The following CENPF variants were observed in gnomAD, a reference collection of about 807,000 sequenced individuals.
CENPF encodes the protein AH antigen.
In CENPF, 214 loss-of-function variants were observed where a neutral mutation model predicts 307.3. The ratio of observed to expected loss-of-function variants is 0.70; its 90% confidence interval spans 0.62 to 0.78. The LOEUF is 0.78. CENPF is among the 30% of genes least tolerant of loss of function. The pLI is 0.00. For synonymous variants in CENPF, 1,259 were observed against 1,270.6 expected (o/e 0.99, Z 0.19); for missense variants, 3,401 against 3,483.9 (o/e 0.98, Z 0.60).
chr1:214,641,078 C>T lies in CENPF; in HGVS notation c.2740C>T (p.Gln914Ter), dbSNP rs768171628. The change falls in exon 12 of 20, where the codon CAA becomes TAA. Residue 914 changes from glutamine (Q) to a stop codon, truncating the protein, a stop_gained. Transcript: ENST00000366955. LOFTEE classifies it high-confidence loss of function. ...SALENKEKEL[Q>*]LLNDKVETEQ... ...CCTTGAGAACAAGGAAAAAGAGCTGCAACTTTTAAATGATAAGGTAGAAAC... is the reference window on the plus strand; with the variant it reads ...CCTTGAGAACAAGGAAAAAGAGCTGTAACTTTTAAATGATAAGGTAGAAAC... 5 of 1,566,572 alleles carry T rather than the reference C, an allele frequency of 3.2e-6. No individual in the cohort carries two copies. The highest frequency in any genetic ancestry group is 1.2e-5 in the South Asian group (1 of 82,116).
At chr1:214,605,717 A>C in intron 1 of CENPF, 1 of 1,593,226 alleles carries the variant, frequency 6.3e-7, no homozygotes, top group Non-Finnish European at 8.5e-7. Context: ...GAAGCGACGC[A>C]GGCCCTCCAG....
At chr1:214,637,683 C>T (rs1030049051) in intron 10 of CENPF, among the ~76,000 whole-genome samples, 183 bp from the exon 11 acceptor site, 2 of 152,102 alleles carry the variant, frequency 1.3e-5, no homozygotes, top group African/African-American at 4.8e-5. Flanking sequence ...ATGCTGTTGT[C>T]TTCTGTTCAT....
Position 214,605,669 on chromosome 1 carries a change from C to T in CENPF, c.-42+2348C>T, listed in dbSNP as rs1199291614. ...ATTGCTGAGGTCTGGCCGGTTGGTGCCGCCGCTAGGCGAGCTGGCTGGCAG... is the reference window on the plus strand; with the variant it reads ...ATTGCTGAGGTCTGGCCGGTTGGTGTCGCCGCTAGGCGAGCTGGCTGGCAG... On this transcript the variant is annotated intron_variant, in intron 1 of 19. Transcript: ENST00000366955. 1.9e-6 allele frequency: 3 copies of T among 1,576,192 alleles called. No individual in the cohort carries two copies. The African/African-American group carries it at 4.0e-5, about 21-fold the overall frequency.
rs1453613825 is a variant in CENPF at position 214,620,963 on chromosome 1, T to G, written c.865+17T>G. The G allele has an allele frequency of 6.3e-7, 1 of 1,578,916 alleles. No homozygotes were observed. The highest frequency in any genetic ancestry group is 1.2e-5 in the South Asian group (1 of 84,592). ...AGAATCAAGGTAACATTGAGCTAAG[T>G]TAAGTTTAAATTCACTTTGCTTGAG... On this transcript the variant is annotated intron_variant, in intron 6 of 19. Transcript: ENST00000366955.
In CENPF at chr1:214,629,162, G is replaced by A. The variant is rs1341270097; in HGVS notation, c.1185G>A (p.Glu395=). 1.2e-6 allele frequency: 2 copies of A among 1,606,994 alleles called. No individual in the cohort carries two copies. Among genetic ancestry groups the A allele is most frequent in the South Asian group, 1.1e-5 (1 of 89,116 alleles). ...AGAAAATTAAGGAAAAAGAAAAGGAGTTTCAAGAGGTAAGGTAAATGGATT... is the reference window on the plus strand; with the variant it reads ...AGAAAATTAAGGAAAAAGAAAAGGAATTTCAAGAGGTAAGGTAAATGGATT... ...LEQKIKEKEK[E]FQEELSRQQR... Residue 395 remains glutamate, a synonymous_variant, in exon 8 of 20, where the codon GAG becomes GAA. Coordinates refer to ENST00000366955, the MANE Select transcript of CENPF (RefSeq NM_016343.4).
At chr1:214,607,001 C>A (rs1657052276) in intron 1 of CENPF, among the ~76,000 whole-genome samples, 3 of 152,198 alleles carry the variant, frequency 2.0e-5, no homozygotes. Context: ...GCAGGGCTGT[C>A]CCCCTCCCTG....
At chr1:214,632,234 T>A (rs893588168) in intron 9 of CENPF, among the ~76,000 whole-genome samples, 3 of 152,172 alleles carry the variant, frequency 2.0e-5, no homozygotes, top group African/African-American at 7.2e-5. Context: ...TGGTTAAATC[T>A]TTTTCCTGTG....
In CENPF at chr1:214,620,804, C is replaced by T. The variant is rs1657484567; in HGVS notation, c.723C>T (p.Phe241=). ...AAAGAACTCCAATTAGGAGAGATTTCTCTGCATCTTACTTTTCTGGGGAAC... is the reference window on the plus strand; with the variant it reads ...AAAGAACTCCAATTAGGAGAGATTTTTCTGCATCTTACTTTTCTGGGGAAC... ...NSQRTPIRRD[F]SASYFSGEQE... Residue 241 remains phenylalanine, a synonymous_variant, in exon 6 of 20, where the codon TTC becomes TTT. Transcript: ENST00000366955. 6.2e-7 allele frequency: 1 copy of T among 1,614,060 alleles called. No individual in the cohort carries two copies. The highest frequency in any genetic ancestry group is 1.7e-5 in the Admixed American group (1 of 60,002).
At position 214,640,962 on chromosome 1, in the gene CENPF, A is replaced by G. The variant is rs1658095059; in HGVS notation, c.2624A>G (p.Gln875Arg). The change falls in exon 12 of 20, where the codon CAA (glutamine) becomes CGA (arginine). Residue 875 changes from glutamine (Q) to arginine (R), a missense_variant. Coordinates refer to ENST00000366955, the MANE Select transcript of CENPF (RefSeq NM_016343.4). ...CTCATGAAAGCAGAACAGATGCATC[A>G]AAGTTTTGTGGCTGAAACAAGTCAG... is the stretch of plus-strand genomic sequence containing the variant. The part of the protein sequence containing the change: ...ENLMKAEQMH[Q>R]SFVAETSQRI... 15 of 1,603,190 alleles carry G rather than the reference A, an allele frequency of 9.4e-6. No homozygotes were observed. The highest frequency in any genetic ancestry group is 1.3e-5 in the African/African-American group (1 of 74,222).
chr1:214,643,759 A>G (rs1658202935), intron 12 of CENPF, among the ~76,000 whole-genome samples: 1 of 152,226 alleles, frequency 6.6e-6, no homozygotes, highest in South Asian at 2.1e-4. Context: ...ATGAAACTAA[A>G]TACAGCAGAT....
intron 11 of CENPF, among the ~76,000 whole-genome samples, chr1:214,639,701 G>T (rs1268029657): frequency 6.6e-6 from 1 of 152,100 alleles, no homozygotes; most frequent in Non-Finnish European, 1.5e-5. Flanking sequence ...GAACAAATGT[G>T]TTACTCTCCT....
At position 214,663,739 on chromosome 1, in the gene CENPF, C is replaced by T; in HGVS notation, c.9290C>T (p.Pro3097Leu). 6.2e-7 allele frequency: 1 copy of T among 1,614,048 alleles called. No individual in the cohort carries two copies. Among genetic ancestry groups the T allele is most frequent in the Non-Finnish European group, 8.5e-7 (1 of 1,180,032 alleles). Residue 3097 changes from proline (P) to leucine (L), a missense_variant, in exon 20 of 20, where the codon CCC becomes CTC. Pro to Leu is a moderately conservative substitution (Grantham distance 98). Transcript: ENST00000366955. ...GLRVKRGRLV[P>L]SPKAGLESNG... is the part of the protein sequence containing the mutation. Reference sequence around the variant, plus strand: ...AGGGTCAAGCGAGGCCGACTTGTCCCCAGCCCCAAAGCTGGACTGGAGTCC... The same window carrying T: ...AGGGTCAAGCGAGGCCGACTTGTCCTCAGCCCCAAAGCTGGACTGGAGTCC...
At chr1:214,626,529 T>C (rs1363989473) in intron 7 of CENPF, among the ~76,000 whole-genome samples, 1 of 152,224 alleles carries the variant, frequency 6.6e-6, no homozygotes, top group African/African-American at 2.4e-5. Flanking sequence ...TATGACCTCC[T>C]TTGATCCATG....
At chr1:214,663,033 A>T (rs922312316) in intron 19 of CENPF, among the ~76,000 whole-genome samples, 1 of 152,186 alleles carries the variant, frequency 6.6e-6, no homozygotes, top group Middle Eastern at 3.2e-3. Flanking sequence ...TTCCTTTAAA[A>T]GGCAGGATGT....
rs569432183 is a variant in CENPF, at chr1:214,652,242, A to G, written c.8160+356A>G. On this transcript the variant is annotated intron_variant, in intron 15 of 19. Coordinates refer to ENST00000366955, the MANE Select transcript of CENPF (RefSeq NM_016343.4). Reference sequence around the variant, plus strand: ...AGTAGTGATGGGGTTTCACTGTGTTAGCCAGGATGGTCTCGATCTCCTGAT... The same window carrying G: ...AGTAGTGATGGGGTTTCACTGTGTTGGCCAGGATGGTCTCGATCTCCTGAT... 9.4e-4 allele frequency among the ~76,000 whole-genome samples: 141 copies of G among 150,108 alleles called. 1 individual carries two copies. Among genetic ancestry groups the G allele is most frequent in the Middle Eastern group, 3.5e-3 (1 of 284 alleles).
Position 214,655,408 on chromosome 1 carries a change from G to T in CENPF, c.8485+5G>T. On this transcript the variant is annotated splice_donor_5th_base_variant and intron_variant, in intron 17 of 19. Coordinates refer to ENST00000366955, the MANE Select transcript of CENPF (RefSeq NM_016343.4). ...CACAGGAGAAGCAGAAAACAGGTGGGTGTTAACTGGGGCACATCAACTAGC... is the reference window on the plus strand; with the variant it reads ...CACAGGAGAAGCAGAAAACAGGTGGTTGTTAACTGGGGCACATCAACTAGC... 6.4e-7 allele frequency: 1 copy of T among 1,574,748 alleles called. No homozygotes were observed. The highest frequency in any genetic ancestry group is 2.3e-5 in the East Asian group (1 of 43,824).
In CENPF at chr1:214,652,999, C is replaced by G. The variant is rs1349894785; in HGVS notation, c.8322+10C>G. On this transcript the variant is annotated intron_variant, in intron 16 of 19. Transcript: ENST00000366955. ...ATTGAAGAAAACCAAGGTATGTTCA[C>G]TTTAATTTGCTTCATGATTTCGAAT... is the stretch of plus-strand genomic sequence containing the variant. 1 of 1,595,064 alleles carries G rather than the reference C, an allele frequency of 6.3e-7. No individual in the cohort carries two copies. The highest frequency in any genetic ancestry group is 1.3e-5 in the African/African-American group (1 of 74,236).
At chr1:214,643,391 G>T in intron 12 of CENPF, 67 bp downstream of exon 12, 3 of 1,273,910 alleles carry the variant, frequency 2.4e-6, no homozygotes, top group Non-Finnish European at 1.0e-6. Flanking sequence ...GTAAATGTTT[G>T]TCTAATTGAA....
Position 214,641,912 on chromosome 1 carries a change from C to A in CENPF, c.3574C>A (p.Pro1192Thr). The change falls in exon 12 of 20, where the codon CCT becomes ACT. Residue 1192 changes from proline to threonine, a missense_variant. Coordinates refer to ENST00000366955, the MANE Select transcript of CENPF (RefSeq NM_016343.4). ...ESERNQCNFK[P>T]QMDLEVKEIS... ...TGAGAGAAATCAATGTAATTTTAAA[C>A]CTCAGATGGATCTTGAAGTTAAAGA... The A allele has an allele frequency of 1.3e-6, 2 of 1,592,064 alleles. No homozygotes were observed. The highest frequency in any genetic ancestry group is 1.7e-6 in the Non-Finnish European group (2 of 1,173,214).
Sources: allele counts gnomAD v4.1 joint callset (sites outside exome capture counted in the v4.1 genomes callset), GRCh38; gene constraint gnomAD v4.1.1; transcripts MANE v1.5; gene names NCBI Gene and HGNC (gene_info 2026-07-23, HGNC 2026-07-21).